The following UBE3C variants were observed in gnomAD, a reference collection of about 807,000 sequenced individuals.
UBE3C encodes the protein ubiquitin-protein ligase E3C.
A neutral mutation model predicts 129.4 loss-of-function variants in UBE3C; 42 were observed. The ratio of observed to expected loss-of-function variants is 0.32; its 90% CI spans 0.25 to 0.42. The LOEUF (loss-of-function observed/expected upper bound fraction) is 0.42, where lower values mean the gene tolerates loss of function less well. Among genes scored for constraint, UBE3C ranks in the 10% least tolerant of loss-of-function variants. UBE3C has a pLI of 1.00. For synonymous variants in UBE3C, 510 were observed against 492.4 expected, an observed-to-expected ratio of 1.04 and a Z score of -0.47; for missense variants, 1,049 against 1,319.1, an observed-to-expected ratio of 0.80 and a Z score of 3.17.
intron 22 of UBE3C, among the ~76,000 whole-genome samples, chr7:157,264,847 C>T (rs1797034497): frequency 6.6e-6 from 1 of 152,208 alleles, no homozygotes; most frequent in African/African-American, 2.4e-5. Context: ...GCTGGGATTA[C>T]AGTCATGAGC....
intron 10 of UBE3C, among the ~76,000 whole-genome samples, chr7:157,200,411 A>T (rs1012553991): frequency 6.6e-6 from 1 of 152,230 alleles, no homozygotes; most frequent in Non-Finnish European, 1.5e-5. Context: ...GATTGAGTGC[A>T]GGAAATTACT....
intron 1 of UBE3C, 78 bp from the exon 2 acceptor site, chr7:157,163,732 A>G: frequency 6.7e-7 from 1 of 1,499,428 alleles, no homozygotes; most frequent in Non-Finnish European, 9.2e-7. Flanking sequence ...TTTGGGTGAA[A>G]ACATTCTGTA....
intron 22 of UBE3C, among the ~76,000 whole-genome samples, chr7:157,265,782 T>C (rs908100189): frequency 1.3e-5 from 2 of 152,198 alleles, no homozygotes; most frequent in African/African-American, 4.8e-5. Flanking sequence ...CGCTGAAGCG[T>C]TGGTTGCCAG....
At position 157,170,414 on chromosome 7, in the gene UBE3C, GT is replaced by G. The variant is rs1158409559; in HGVS notation, c.313del (p.Tyr105ThrfsTer10). The G allele has an allele frequency of 1.3e-6, 2 of 1,564,522 alleles. No individual in the cohort carries two copies. Among genetic ancestry groups the G allele is most frequent in the Non-Finnish European group, 1.7e-6 (2 of 1,158,658 alleles). ...NLTLLVRQLL[F>X]FYKQNEDSKR... ...TTACCCTTTTGGTAAGGCAGCTTCT[GT>G]TTTTTTACAAACAAAATGAAGACTC... is the stretch of plus-strand genomic sequence containing the variant. On this transcript the variant is annotated frameshift_variant, in exon 4 of 23. Transcript: ENST00000348165. LOFTEE classifies it high-confidence loss of function.
chr7:157,231,491 G>A, intron 18 of UBE3C, 164 bp downstream of exon 18: 1 of 1,011,478 alleles, frequency 9.9e-7, no homozygotes, highest in East Asian at 2.6e-5. Flanking sequence ...ATGGTTGTAA[G>A]TAGGTGCTAT....
intron 1 of UBE3C, among the ~76,000 whole-genome samples, chr7:157,154,047 C>T (rs1217915025): frequency 6.9e-6 from 1 of 143,902 alleles, no homozygotes; most frequent in Non-Finnish European, 1.5e-5. Context: ...AGGCCGGGCA[C>T]GGTGGCTCAC....
Position 157,253,895 on chromosome 7 carries a change from T to C in UBE3C, c.2695-59T>C, listed in dbSNP as rs372002350. On this transcript the variant is annotated intron_variant, in intron 19 of 22. Transcript: ENST00000348165. ...CTTAAAACATTTGTTTCTTGCTTTT[T>C]TTTTTAACCTATTATCATACTTTGA... 37 of 1,468,812 alleles carry C rather than the reference T, an allele frequency of 2.5e-5. No individual in the cohort carries two copies. The East Asian group carries it at 6.0e-4, about 24-fold the overall frequency. The allele number at this position is 1,468,812 out of a possible 1,614,324, so 91.0% of individuals were successfully genotyped here.
At chr7:157,154,285 A>C (rs572863894) in intron 1 of UBE3C, among the ~76,000 whole-genome samples, 1 of 151,956 alleles carries the variant, frequency 6.6e-6, no homozygotes, top group Non-Finnish European at 1.5e-5. Flanking sequence ...ACACCACTGC[A>C]CTCCAGCCTG....
At chr7:157,242,916 G>A (rs1310310924) in intron 18 of UBE3C, among the ~76,000 whole-genome samples, 5 of 152,090 alleles carry the variant, frequency 3.3e-5, no homozygotes, top group African/African-American at 9.7e-5. Flanking sequence ...TAAGCTGGGC[G>A]TGGTGGTGGT....
At chr7:157,196,691 A>T (rs1381956636) in intron 10 of UBE3C, among the ~76,000 whole-genome samples, 1 of 152,186 alleles carries the variant, frequency 6.6e-6, no homozygotes, top group Non-Finnish European at 1.5e-5. Flanking sequence ...CCTTTAGGCC[A>T]GGTGCAGTGG....
At chr7:157,229,332 G>C (rs1212906130) in intron 17 of UBE3C, among the ~76,000 whole-genome samples, 1 of 152,076 alleles carries the variant, frequency 6.6e-6, no homozygotes, top group Non-Finnish European at 1.5e-5. Context: ...TTTGTTTTTT[G>C]AAATGGAACT....
rs138095554 is a variant in UBE3C, at chr7:157,191,215, G to A, written c.1331+4194G>A. Among the ~76,000 whole-genome samples the A allele has an allele frequency of 1.9e-3, 295 of 152,294 alleles. 2 individuals are homozygous for A. The highest frequency in any genetic ancestry group is 6.5e-3 in the African/African-American group (268 of 41,550). On this transcript the variant is annotated intron_variant, in intron 10 of 22. Transcript: ENST00000348165. ...TTGTGATTTAGATAAACAGCGGTGC[G>A]CCTCGAAGCGCAGTGCTTCTTTTCT...
At chr7:157,142,567 C>T (rs1190920823) in intron 1 of UBE3C, among the ~76,000 whole-genome samples, 2 of 152,192 alleles carry the variant, frequency 1.3e-5, no homozygotes, top group African/African-American at 2.4e-5. Flanking sequence ...ATTCCAGGTT[C>T]GTGGAGCGGG....
At chr7:157,199,972 G>C (rs930027289) in intron 10 of UBE3C, among the ~76,000 whole-genome samples, 1 of 151,972 alleles carries the variant, frequency 6.6e-6, no homozygotes, top group African/African-American at 2.4e-5. Context: ...TTGAGATTCT[G>C]CTCTTACTGG....
intron 18 of UBE3C, 104 bp from the exon 19 acceptor site, chr7:157,248,264 C>G (rs1796532426): frequency 9.6e-7 from 1 of 1,036,958 alleles, no homozygotes; most frequent in African/African-American, 1.6e-5. Context: ...GAGAAAATAC[C>G]TGCTCTCTTA....
intron 10 of UBE3C, among the ~76,000 whole-genome samples, chr7:157,189,517 G>A (rs559582966): frequency 2.6e-5 from 4 of 152,288 alleles, no homozygotes; most frequent in Non-Finnish European, 5.9e-5. Flanking sequence ...TCTGGCATAC[G>A]TGGGGTTTTT....
intron 21 of UBE3C, among the ~76,000 whole-genome samples, chr7:157,255,779 A>G (rs998165911): frequency 3.9e-5 from 6 of 152,210 alleles, no homozygotes; most frequent in Non-Finnish European, 7.3e-5. Flanking sequence ...TTTAGGGAGC[A>G]CTTTACTAGA....
chr7:157,230,779 A>G (rs1414468161), intron 17 of UBE3C, among the ~76,000 whole-genome samples: 1 of 151,496 alleles, frequency 6.6e-6, no homozygotes, highest in East Asian at 1.9e-4. Flanking sequence ...CCCGAGCCAC[A>G]TCGGCCTGTG....
chr7:157,207,249 G>T, intron 11 of UBE3C, 149 bp from the exon 12 acceptor site: 1 of 1,070,046 alleles, frequency 9.3e-7, no homozygotes, highest in Non-Finnish European at 1.3e-6. Flanking sequence ...CATTGCCATG[G>T]TGACTTTACC....
Sources: allele counts gnomAD v4.1 joint callset (sites outside exome capture counted in the v4.1 genomes callset), GRCh38; gene constraint gnomAD v4.1.1; transcripts MANE v1.5; gene names NCBI Gene and HGNC (gene_info 2026-07-23, HGNC 2026-07-21).